ZNF33A: variants seen among roughly 807,000 people sequenced by gnomAD.
ZNF33A encodes brain my041 protein.
ZNF33A carries 9 observed loss-of-function variants against 15.9 expected under a neutral mutation model. The observed-to-expected ratio is 0.57, with a 90% CI of 0.34 to 0.99. The LOEUF (loss-of-function observed/expected upper bound fraction) is 0.99. Ranked by LOEUF, ZNF33A falls within the 50% of genes least tolerant of loss-of-function variation. ZNF33A has a pLI of 0.02. For missense variants in ZNF33A, 843 were observed against 941.6 expected, an observed-to-expected ratio of 0.90 and a Z score of 1.37; for synonymous variants, 294 against 324.2, an observed-to-expected ratio of 0.91 and a Z score of 1.00.
At position 38,055,705 on chromosome 10, in the gene ZNF33A, T is replaced by A; in HGVS notation, c.1581T>A (p.Cys527Ter). The change falls in exon 5 of 5, where the codon TGT becomes TGA. Residue 527 changes from cysteine (C) to a stop codon, truncating the protein, a stop_gained. Coordinates refer to ENST00000432900, the MANE Select transcript of ZNF33A (RefSeq NM_006954.2). LOFTEE classifies it low-confidence loss of function (END_TRUNC). ...ATACAGGGTGGAAACCTTATGAATG[T>A]TATGAATGTGGGAAAACCTTCTGCT... ...IIHTGWKPYE[C>*]YECGKTFCLK... 1 of 1,613,780 alleles carries A rather than the reference T, an allele frequency of 6.2e-7. No individual in the cohort carries two copies. The highest frequency in any genetic ancestry group is 8.5e-7 in the Non-Finnish European group (1 of 1,179,948).
chr10:38,048,512 A>C (rs565824686), intron 4 of ZNF33A, among the ~76,000 whole-genome samples: 146 of 152,310 alleles, frequency 9.6e-4, no homozygotes, highest in Non-Finnish European at 1.8e-3. Flanking sequence ...TTGATAAGAT[A>C]AATAAAAATA....
At chr10:38,066,634 C>T (rs1372438227), downstream of ZNF33A, among the ~76,000 whole-genome samples, 1 of 151,428 alleles carries the variant, frequency 6.6e-6, no homozygotes, top group Non-Finnish European at 1.5e-5. Flanking sequence ...GTAAAGCCCA[C>T]ATAAAAACAC....
intron 4 of ZNF33A, among the ~76,000 whole-genome samples, chr10:38,041,824 A>T (rs112452792): frequency 6.6e-6 from 1 of 152,144 alleles, no homozygotes; most frequent in Non-Finnish European, 1.5e-5. Context: ...TTGTTACTTT[A>T]TGTCATTTGA....
At position 38,058,005 on chromosome 10, in the gene ZNF33A, A is replaced by G; in HGVS notation, c.*1445A>G. 1.0e-6 allele frequency: 1 copy of G among 985,268 alleles called. No homozygotes were observed. Among genetic ancestry groups the G allele is most frequent in the Non-Finnish European group, 1.2e-6 (1 of 829,800 alleles). 61.0% of individuals were successfully genotyped at this position (985,268 alleles called of 1,614,324 possible). A position where few individuals can be genotyped will look rare whatever the true frequency, so the allele number is the denominator to read the frequency against. ...TTTATTGATAGTGTGAAGATTGTAC[A>G]CTATATTACATGATCAGATCATACA... On this transcript the variant is annotated 3_prime_UTR_variant, in exon 5 of 5. Coordinates refer to ENST00000432900, the MANE Select transcript of ZNF33A (RefSeq NM_006954.2).
chr10:38,054,615 G>T lies in ZNF33A; in HGVS notation c.491G>T (p.Gly164Val). ...ELVISKINYLGKKSDEFNACG... is the reference protein window; with the variant it reads ...ELVISKINYLVKKSDEFNACG... Reference sequence around the variant, plus strand: ...GTTATCAGTAAGATAAACTATTTAGGAAAAAAGTCTGATGAATTTAATGCC... The same window carrying T: ...GTTATCAGTAAGATAAACTATTTAGTAAAAAAGTCTGATGAATTTAATGCC... Residue 164 changes from glycine to valine, a missense_variant, in exon 5 of 5, where the codon GGA becomes GTA. Physicochemically the swap from Gly to Val is moderately radical, Grantham distance 109. Coordinates refer to ENST00000432900, the MANE Select transcript of ZNF33A (RefSeq NM_006954.2). The T allele has an allele frequency of 6.2e-7, 1 of 1,612,022 alleles. No homozygotes were observed. Among genetic ancestry groups the T allele is most frequent in the Non-Finnish European group, 8.5e-7 (1 of 1,179,444 alleles).
At chr10:38,066,290 A>G (rs2066709194), downstream of ZNF33A, among the ~76,000 whole-genome samples, 1 of 151,354 alleles carries the variant, frequency 6.6e-6, no homozygotes, top group East Asian at 2.0e-4. Flanking sequence ...TTATTTATTT[A>G]TTTATTGAGA....
At chr10:38,065,529 A>G (rs964857458), downstream of ZNF33A, among the ~76,000 whole-genome samples, 8 of 152,186 alleles carry the variant, frequency 5.3e-5, no homozygotes, top group African/African-American at 1.9e-4. Flanking sequence ...TGTCACTTCA[A>G]ATACGATCAG....
intron 1 of ZNF33A, among the ~76,000 whole-genome samples, chr10:38,011,081 C>A (rs1386700659): frequency 6.6e-6 from 1 of 151,726 alleles, no homozygotes; most frequent in Non-Finnish European, 1.5e-5. Context: ...GTTCTCTTGT[C>A]TAGCCTGTGC....
chr10:38,034,075 A>C (rs1240744961), intron 4 of ZNF33A, among the ~76,000 whole-genome samples: 2 of 152,162 alleles, frequency 1.3e-5, no homozygotes, highest in African/African-American at 4.8e-5. Flanking sequence ...AATTTAAAAC[A>C]TTCACTTTAT....
chr10:38,037,802 G>A (rs919913896), intron 4 of ZNF33A, among the ~76,000 whole-genome samples: 51 of 152,262 alleles, frequency 3.3e-4, no homozygotes, highest in African/African-American at 1.2e-3. Flanking sequence ...ATTGAGAAGT[G>A]TATGTCTTCT....
chr10:38,010,525 A>C (rs2064117862), upstream of ZNF33A: 2 of 677,236 alleles, frequency 3.0e-6, no homozygotes, highest in Non-Finnish European at 5.3e-6. Flanking sequence ...CTCAGACCGC[A>C]TCTGCCCACT....
At chr10:38,039,491 T>G (rs762256769) in intron 4 of ZNF33A, 1 of 455,990 alleles carries the variant, frequency 2.2e-6, no homozygotes, top group Admixed American at 2.4e-5. Context: ...CCTCCCAAAG[T>G]GGTAGGATTA....
chr10:38,013,114 A>AT (rs892737310), intron 2 of ZNF33A, among the ~76,000 whole-genome samples: 10 of 151,946 alleles, frequency 6.6e-5, no homozygotes, highest in African/African-American at 2.4e-4. Flanking sequence ...TTTAATTTTA[A>AT]TTTTTTTATT....
intron 4 of ZNF33A, 78 bp from the exon 5 acceptor site, chr10:38,054,297 G>A: frequency 3.6e-6 from 5 of 1,396,430 alleles, no homozygotes; most frequent in Non-Finnish European, 4.7e-6. Context: ...CTGCAACATG[G>A]GGCATTTGTT....
chr10:38,053,527 G>A (rs2066309157), intron 4 of ZNF33A, among the ~76,000 whole-genome samples: 1 of 152,078 alleles, frequency 6.6e-6, no homozygotes, highest in Admixed American at 6.6e-5. Context: ...AGTCACACTG[G>A]AGGTTGGGGT....
Position 38,056,135 on chromosome 10 carries a change from G to GGA in ZNF33A, c.2012_2013dup (p.Lys672GlufsTer6). Reference sequence around the variant, plus strand: ...AAAGCCCTATAAATGTAATGAATGTGGAAAATCTTTCTGTGTAAAATCAGG... The same window carrying GGA: ...AAAGCCCTATAAATGTAATGAATGTGGAGAAAATCTTTCTGTGTAAAATCAGG... On this transcript the variant is annotated frameshift_variant, in exon 5 of 5. Coordinates refer to ENST00000432900, the MANE Select transcript of ZNF33A (RefSeq NM_006954.2). LOFTEE classifies it low-confidence loss of function (END_TRUNC). 1 of 1,614,044 alleles carries GGA rather than the reference G, an allele frequency of 6.2e-7. No individual in the cohort carries two copies. The highest frequency in any genetic ancestry group is 1.7e-4 in the Middle Eastern group (1 of 6,060).
intron 4 of ZNF33A, among the ~76,000 whole-genome samples, chr10:38,035,623 A>G (rs886108849): frequency 1.3e-5 from 2 of 152,174 alleles, no homozygotes; most frequent in African/African-American, 4.8e-5. Flanking sequence ...GGGGTCCTTC[A>G]TTGATACTAT....
At chr10:38,017,461 A>G in intron 4 of ZNF33A, 75 bp downstream of exon 4, 2 of 1,192,548 alleles carry the variant, frequency 1.7e-6, no homozygotes, top group South Asian at 1.4e-5. Context: ...GGGTTTGGCA[A>G]CTTTGGAAGA....
chr10:38,055,008 G>C lies in ZNF33A; in HGVS notation c.884G>C (p.Gly295Ala). ...CVKSTLSKPH[G>A]VSMKHYDCGE... is the part of the protein sequence containing the mutation. ...AAGTCCACCCTTTCTAAACCTCATGGGGTATCTATGAAACACTATGATTGT... is the reference window on the plus strand; with the variant it reads ...AAGTCCACCCTTTCTAAACCTCATGCGGTATCTATGAAACACTATGATTGT... Residue 295 changes from glycine (G) to alanine (A), a missense_variant, in exon 5 of 5, where the codon GGG (glycine) becomes GCG (alanine). Gly to Ala is a moderately conservative substitution (Grantham distance 60, BLOSUM62 0). Transcript: ENST00000432900. 6.2e-7 allele frequency: 1 copy of C among 1,614,072 alleles called. No homozygotes were observed. Among genetic ancestry groups the C allele is most frequent in the Non-Finnish European group, 8.5e-7 (1 of 1,179,980 alleles).
Sources: allele counts gnomAD v4.1 joint callset (sites outside exome capture counted in the v4.1 genomes callset), GRCh38; gene constraint gnomAD v4.1.1; transcripts MANE v1.5; gene names NCBI Gene and HGNC (gene_info 2026-07-23, HGNC 2026-07-21).